The following NUBPL variants were observed in gnomAD, a reference collection of about 807,000 sequenced individuals.
NUBPL encodes NUBP iron-sulfur cluster assembly factor, mitochondrial.
Under a neutral mutation model 45.7 loss-of-function variants are expected in NUBPL, and 31 were observed. The ratio of observed to expected loss-of-function variants is 0.68; its 90% CI spans 0.51 to 0.92. The LOEUF (loss-of-function observed/expected upper bound fraction) is 0.92. Ranked by LOEUF, NUBPL falls within the 40% of genes least tolerant of loss-of-function variation. NUBPL has a pLI of 0.00. For missense variants in NUBPL, 401 were observed against 398.7 expected, an observed-to-expected ratio of 1.01 and a Z score of -0.05; for synonymous variants, 144 against 140.9, an observed-to-expected ratio of 1.02 and a Z score of -0.15.
At chr14:31,778,904 G>A (rs1201169906) in intron 6 of NUBPL, among the ~76,000 whole-genome samples, 3 of 152,160 alleles carry the variant, frequency 2.0e-5, no homozygotes, top group Non-Finnish European at 4.4e-5. Context: ...ATAAATACTG[G>A]CTGTTTTACC....
chr14:31,857,456 A>G (rs887223822), intron 10 of NUBPL, among the ~76,000 whole-genome samples: 2 of 152,174 alleles, frequency 1.3e-5, no homozygotes, highest in Non-Finnish European at 2.9e-5. Context: ...TACTTATACA[A>G]ATTTCTGCAG....
chr14:31,834,460 T>C (rs934157400), intron 8 of NUBPL, among the ~76,000 whole-genome samples: 3 of 152,194 alleles, frequency 2.0e-5, no homozygotes, highest in Non-Finnish European at 4.4e-5. Context: ...ATTACAGGCG[T>C]GAGCCACTGC....
At chr14:31,766,330 AG>A (rs1241690052) in intron 6 of NUBPL, among the ~76,000 whole-genome samples, 3 of 152,204 alleles carry the variant, frequency 2.0e-5, no homozygotes, top group Non-Finnish European at 2.9e-5. Flanking sequence ...TGCAGTTTTT[AG>A]GGCCTAGTCA....
intron 3 of NUBPL, among the ~76,000 whole-genome samples, chr14:31,568,177 G>C (rs1394049699): frequency 6.6e-6 from 1 of 152,122 alleles, no homozygotes; most frequent in Non-Finnish European, 1.5e-5. Flanking sequence ...CCTTAAGGAA[G>C]GAAACGGAAA....
intron 4 of NUBPL, among the ~76,000 whole-genome samples, chr14:31,610,071 GAGA>G (rs745313185): frequency 2.0e-5 from 3 of 152,018 alleles, no homozygotes; most frequent in Non-Finnish European, 4.4e-5. Flanking sequence ...ATAAAGATCA[GAGA>G]AGAAGTAAAT....
intron 3 of NUBPL, among the ~76,000 whole-genome samples, chr14:31,597,197 T>G (rs1456622287): frequency 1.3e-5 from 2 of 152,198 alleles, no homozygotes; most frequent in South Asian, 2.1e-4. Context: ...GTCAGTCTCT[T>G]AGAGTACGTA....
At chr14:31,597,399 A>G (rs914311230) in intron 3 of NUBPL, among the ~76,000 whole-genome samples, 4 of 152,192 alleles carry the variant, frequency 2.6e-5, no homozygotes, top group African/African-American at 7.2e-5. Context: ...TTTTTGGAAC[A>G]TTATGCCAAG....
At chr14:31,598,885 A>C (rs913521478) in intron 3 of NUBPL, among the ~76,000 whole-genome samples, 2 of 152,110 alleles carry the variant, frequency 1.3e-5, no homozygotes, top group South Asian at 4.1e-4. Flanking sequence ...TCCAAAAGTT[A>C]ATGTTGTGTC....
intron 6 of NUBPL, among the ~76,000 whole-genome samples, chr14:31,786,205 G>T (rs753327722): frequency 1.4e-4 from 21 of 151,984 alleles, no homozygotes; most frequent in Non-Finnish European, 2.9e-4. Flanking sequence ...TATATGGAAA[G>T]GACATATTAC....
chr14:31,681,485 T>TTC (rs2036832581), intron 6 of NUBPL, among the ~76,000 whole-genome samples: 1 of 151,500 alleles, frequency 6.6e-6, no homozygotes, highest in South Asian at 2.1e-4. Flanking sequence ...GTTTTTTTTT[T>TTC]CAAAAAAACC....
At chr14:31,682,962 T>C (rs1452197922) in intron 6 of NUBPL, among the ~76,000 whole-genome samples, 1 of 151,360 alleles carries the variant, frequency 6.6e-6, no homozygotes, top group African/African-American at 2.4e-5. Flanking sequence ...AGCCAGTATA[T>C]GCAGAGATCA....
chr14:31,778,711 C>T (rs188253322), intron 6 of NUBPL, among the ~76,000 whole-genome samples: 7 of 152,244 alleles, frequency 4.6e-5, no homozygotes, highest in Admixed American at 3.9e-4. Flanking sequence ...ATAATTAGTA[C>T]GTGCTGGTTT....
chr14:31,814,876 G>C (rs1185093017), intron 7 of NUBPL, among the ~76,000 whole-genome samples: 1 of 152,080 alleles, frequency 6.6e-6, no homozygotes, highest in Non-Finnish European at 1.5e-5. Flanking sequence ...TGAGGCCTCT[G>C]TTCTGTTTCA....
At chr14:31,701,926 C>A (rs1485728104) in intron 6 of NUBPL, among the ~76,000 whole-genome samples, 1 of 152,122 alleles carries the variant, frequency 6.6e-6, no homozygotes, top group Admixed American at 6.5e-5. Flanking sequence ...AGAGAGAACC[C>A]TTTGCAATAT....
chr14:31,662,567 G>A (rs774790121), intron 4 of NUBPL, among the ~76,000 whole-genome samples: 2 of 152,008 alleles, frequency 1.3e-5, no homozygotes, highest in Admixed American at 6.6e-5. Flanking sequence ...GAGAACATGC[G>A]GTGTTTGGTG....
intron 3 of NUBPL, among the ~76,000 whole-genome samples, chr14:31,586,347 C>A (rs913572197): frequency 6.6e-6 from 1 of 152,034 alleles, no homozygotes; most frequent in Non-Finnish European, 1.5e-5. Context: ...TAATTCCAGT[C>A]GTTCAAAGGT....
chr14:31,670,113 G>T (rs78289323), intron 4 of NUBPL, among the ~76,000 whole-genome samples: 7,209 of 152,026 alleles, frequency 0.047, 214 homozygotes, highest in Admixed American at 0.066. Flanking sequence ...TGTAGGTGTT[G>T]CCTTTTCCCC....
intron 6 of NUBPL, among the ~76,000 whole-genome samples, chr14:31,683,206 A>G (rs1051238807): frequency 4.6e-5 from 7 of 151,864 alleles, no homozygotes; most frequent in Non-Finnish European, 8.8e-5. Context: ...CATCTATCCA[A>G]ACTATAGCAC....
intron 3 of NUBPL, among the ~76,000 whole-genome samples, chr14:31,571,615 A>C (rs2033587578): frequency 6.6e-6 from 1 of 151,920 alleles, no homozygotes; most frequent in Non-Finnish European, 1.5e-5. Context: ...ATGCCTGGCT[A>C]ATTTTTGAAT....
Sources: allele counts gnomAD v4.1 joint callset (sites outside exome capture counted in the v4.1 genomes callset), GRCh38; gene constraint gnomAD v4.1.1; transcripts MANE v1.5; gene names NCBI Gene and HGNC (gene_info 2026-07-23, HGNC 2026-07-21).